PCDHGB1: variants seen among roughly 807,000 people sequenced by gnomAD.
PCDHGB1 encodes protocadherin gamma-B1.
Under a neutral mutation model 56.6 loss-of-function variants are expected in PCDHGB1, and 34 were observed. That is an observed-to-expected ratio of 0.60 (90% CI 0.46 to 0.80). PCDHGB1 has a LOEUF of 0.80. PCDHGB1 is among the 30% of genes least tolerant of loss of function. The pLI, the probability that PCDHGB1 is intolerant of heterozygous loss-of-function variation, is 0.00. For missense variants in PCDHGB1, 1,278 were observed against 1,204.6 expected (o/e 1.06, Z -0.90); for synonymous variants, 561 against 505.9 (o/e 1.11, Z -1.46).
At chr5:141,391,495 A>G (rs962883294) in intron 1 of PCDHGB1, 2 of 152,136 alleles carry the variant, frequency 1.3e-5, no homozygotes, top group Non-Finnish European at 2.9e-5. Context: ...TGTTTTCAGT[A>G]GAGAAAATAT....
intron 1 of PCDHGB1, chr5:141,389,633 C>T: frequency 1.2e-6 from 2 of 1,613,016 alleles, no homozygotes; most frequent in Non-Finnish European, 1.7e-6. Flanking sequence ...CAGAGCCTGG[C>T]TACTTGGTGA....
At chr5:141,372,895 T>C in intron 1 of PCDHGB1, 1 of 1,115,450 alleles carries the variant, frequency 9.0e-7, no homozygotes, top group South Asian at 1.7e-5. Flanking sequence ...AGATTAAATA[T>C]TCCCTGATTA....
chr5:141,429,765 T>C (rs897963458), intron 1 of PCDHGB1, among the ~76,000 whole-genome samples: 1 of 152,230 alleles, frequency 6.6e-6, no homozygotes, highest in East Asian at 1.9e-4. Flanking sequence ...TTTCCCTATA[T>C]TTTGATGGGC....
chr5:141,418,670 G>T (rs767728571), intron 1 of PCDHGB1: 2 of 1,614,042 alleles, frequency 1.2e-6, no homozygotes, highest in Non-Finnish European at 1.7e-6. Context: ...TGACCAGGAC[G>T]AGGGCATCAA....
intron 1 of PCDHGB1, chr5:141,366,421 G>A: frequency 6.2e-7 from 1 of 1,614,150 alleles, no homozygotes; most frequent in Non-Finnish European, 8.5e-7. Flanking sequence ...TGGTGGCAGT[G>A]GCTGCAGTCT....
intron 1 of PCDHGB1, chr5:141,372,553 G>T: frequency 6.2e-7 from 1 of 1,613,978 alleles, no homozygotes; most frequent in Non-Finnish European, 8.5e-7. Flanking sequence ...TGCTCCTCCA[G>T]ACCCGCCACT....
At chr5:141,399,217 T>G in intron 1 of PCDHGB1, 2 of 1,613,972 alleles carry the variant, frequency 1.2e-6, no homozygotes, top group Non-Finnish European at 1.7e-6. Flanking sequence ...ACTAATTGCT[T>G]TGATCAAAAT....
intron 1 of PCDHGB1, chr5:141,375,951 C>A (rs767101939): frequency 6.2e-7 from 1 of 1,613,408 alleles, no homozygotes; most frequent in Non-Finnish European, 8.5e-7. Flanking sequence ...GGCCTGCACA[C>A]GGGCGAGGTG....
chr5:141,467,736 G>A (rs1435480730), intron 1 of PCDHGB1, among the ~76,000 whole-genome samples: 1 of 151,902 alleles, frequency 6.6e-6, no homozygotes, highest in Non-Finnish European at 1.5e-5. Flanking sequence ...ATCCCAGCTC[G>A]CTGCAACCTC....
At chr5:141,418,489 G>C (rs774653264) in intron 1 of PCDHGB1, 26 of 1,613,874 alleles carry the variant, frequency 1.6e-5, no homozygotes, top group Admixed American at 1.5e-4. Context: ...CTCACCACTT[G>C]GTACTGACCG....
rs1239481973 is a variant in PCDHGB1 at position 141,491,585 on chromosome 5, C to G, written c.2410-3222C>G. On this transcript the variant is annotated intron_variant, in intron 1 of 3. Coordinates refer to ENST00000523390, the MANE Select transcript of PCDHGB1 (RefSeq NM_018922.3). The surrounding 1 kb of genome is among the most constrained non-coding windows in gnomAD (Gnocchi z 6.9). ...TACAGGACGTGCTTTTCACCGGCCT[C>G]GGACGGCAGTGACTTCACTTTTCTA... 6.2e-7 allele frequency: 1 copy of G among 1,613,964 alleles called. No individual in the cohort carries two copies.
At chr5:141,421,322 T>A (rs774885270) in intron 1 of PCDHGB1, 1 of 1,613,864 alleles carries the variant, frequency 6.2e-7, no homozygotes, top group Non-Finnish European at 8.5e-7. Context: ...GCCAGGCAGA[T>A]CCGATATTCG....
At chr5:141,500,473 T>C (rs911171031) in intron 2 of PCDHGB1, among the ~76,000 whole-genome samples, 10 of 152,132 alleles carry the variant, frequency 6.6e-5, no homozygotes, top group Admixed American at 4.6e-4. Flanking sequence ...CCTCCCAAAG[T>C]GCTGGGATTA....
Position 141,485,432 on chromosome 5 carries a change from A to C in PCDHGB1, c.2410-9375A>C. The C allele has an allele frequency of 6.2e-7, 1 of 1,614,178 alleles. No individual in the cohort carries two copies. Among genetic ancestry groups the C allele is most frequent in the Non-Finnish European group, 8.5e-7 (1 of 1,180,028 alleles). ...TTTGGACAGCGGAGCCCTGCTCATC[A>C]AGAACCCAATCGACCGAGAGGCACT... On this transcript the variant is annotated intron_variant, in intron 1 of 3. Transcript: ENST00000523390. The surrounding 1 kb of genome is among the most constrained non-coding windows in gnomAD (Gnocchi z 5.7).
rs1200487646 is a variant in PCDHGB1, at chr5:141,410,571, C to T, written c.2409+57902C>T. 3 of 1,612,028 alleles carry T rather than the reference C, an allele frequency of 1.9e-6. No homozygotes were observed. The highest frequency in any genetic ancestry group is 2.5e-6 in the Non-Finnish European group (3 of 1,179,884). On this transcript the variant is annotated intron_variant, in intron 1 of 3. Coordinates refer to ENST00000523390, the MANE Select transcript of PCDHGB1 (RefSeq NM_018922.3). The stretch of plus-strand genomic sequence containing the variant: ...AGTGTTTCTCCTGGAGCCTTAATTC[C>T]ACCTCATGGTGGGGAGGATTTGACT...
At chr5:141,430,638 G>A in intron 1 of PCDHGB1, 1 of 898,338 alleles carries the variant, frequency 1.1e-6, no homozygotes, top group Non-Finnish European at 1.6e-6. Flanking sequence ...CCATCCCTGG[G>A]AGTATGTGGA....
Position 141,352,381 on chromosome 5 carries a change from C to A in PCDHGB1, c.2121C>A (p.Ile707=). The A allele has an allele frequency of 6.2e-7, 1 of 1,614,052 alleles. No homozygotes were observed. The highest frequency in any genetic ancestry group is 1.7e-5 in the Admixed American group (1 of 60,030). The change falls in exon 1 of 4, where the codon ATC becomes ATA. Residue 707 remains isoleucine (I), a synonymous_variant. Transcript: ENST00000523390. ...TTCTCCTCGCGGTGATTCTAGCGAT[C>A]GCCCTGCGCCTGCGACGTTCCTCCA... ...VLFLLAVILA[I]ALRLRRSSSL...
chr5:141,404,018 G>A (rs1280619437), intron 1 of PCDHGB1: 1 of 1,613,864 alleles, frequency 6.2e-7, no homozygotes, highest in African/African-American at 1.3e-5. Flanking sequence ...GTTTAGCCCA[G>A]TGAGAGAAGA....
chr5:141,372,278 G>C (rs756938433), intron 1 of PCDHGB1: 2 of 1,613,032 alleles, frequency 1.2e-6, no homozygotes, highest in Admixed American at 1.7e-5. Flanking sequence ...AGGTGCGCAC[G>C]GCGCGTACCT....
Sources: gnomAD v4.1 joint callset for allele counts (sites outside exome capture counted in the v4.1 genomes callset) on GRCh38, gnomAD v4.1.1 for gene constraint, Gnocchi (gnomAD v3.1) non-coding constraint, MANE v1.5 for transcripts, NCBI Gene and HGNC (gene_info 2026-07-23, HGNC 2026-07-21) for gene names.